KCNN2: variants seen among roughly 807,000 people sequenced by gnomAD.
KCNN2 encodes small conductance calcium-activated potassium channel protein 2.
KCNN2 carries 24 observed loss-of-function variants against 55.5 expected under a neutral mutation model. The observed-to-expected ratio is 0.43, with a 90% CI of 0.31 to 0.61. KCNN2 has a LOEUF of 0.61. Ranked by LOEUF, KCNN2 falls within the 20% of genes least tolerant of loss-of-function variation. KCNN2 has a pLI of 0.08. For missense variants in KCNN2, 754 were observed against 853.6 expected (o/e 0.88, Z 1.45); for synonymous variants, 431 against 336.1 (o/e 1.28, Z -3.09).
At position 114,160,454 on chromosome 5, in the gene KCNN2, C is replaced by G. The variant is rs1399931279; in HGVS notation, c.-270-61026C>G. On this transcript the variant is annotated intron_variant, in intron 1 of 10. Coordinates refer to the KCNN2 transcript ENST00000512097. ...TGGTCAATTTTGGAATAGGTGTGGT[C>G]TGGTGCTGAAAAGAATGTATATTCT... Among the ~76,000 whole-genome samples the G allele has an allele frequency of 8.5e-5, 13 of 152,064 alleles. No individual in the cohort carries two copies. The South Asian group carries it at 1.2e-3, about 15-fold the overall frequency.
chr5:114,138,852 A>G (rs1356402826), intron 1 of KCNN2, among the ~76,000 whole-genome samples: 1 of 152,084 alleles, frequency 6.6e-6, no homozygotes, highest in Non-Finnish European at 1.5e-5. Context: ...GAAGCTACCA[A>G]TTTTCAGTTT....
At chr5:114,288,499 TACACAC>T (rs1203371494) in intron 2 of KCNN2, among the ~76,000 whole-genome samples, 8 of 139,548 alleles carry the variant, frequency 5.7e-5, no homozygotes, top group African/African-American at 1.6e-4. Context: ...TATATATATA[TACACAC>T]ACACACACAC....
chr5:114,144,324 C>G (rs1752351654), intron 1 of KCNN2, among the ~76,000 whole-genome samples: 2 of 152,116 alleles, frequency 1.3e-5, no homozygotes, highest in African/African-American at 4.8e-5. Context: ...AATTTTTGAT[C>G]AATACCTGAC....
chr5:114,220,374 A>G (rs1754107982), intron 1 of KCNN2, among the ~76,000 whole-genome samples: 1 of 152,278 alleles, frequency 6.6e-6, no homozygotes, highest in Admixed American at 6.5e-5. Flanking sequence ...AGTGGGCAGG[A>G]GAGAGGAAAA....
intron 1 of KCNN2, among the ~76,000 whole-genome samples, chr5:114,071,125 G>A (rs1328790061): frequency 6.6e-6 from 1 of 152,140 alleles, no homozygotes; most frequent in African/African-American, 2.4e-5. Flanking sequence ...ATCTACTCTG[G>A]CTAATTAAAG....
At chr5:114,346,690 G>A (rs1437677907) in intron 2 of KCNN2, among the ~76,000 whole-genome samples, 1 of 148,184 alleles carries the variant, frequency 6.7e-6, no homozygotes, top group Non-Finnish European at 1.5e-5. Context: ...TCTGATAGCT[G>A]AAAGGGCCTG....
chr5:114,156,640 G>A (rs1464916437), intron 1 of KCNN2, among the ~76,000 whole-genome samples: 1 of 151,980 alleles, frequency 6.6e-6, no homozygotes, highest in Non-Finnish European at 1.5e-5. Flanking sequence ...TTCTTTTTGT[G>A]GCAGTCATGG....
At chr5:114,087,613 G>A (rs1751044421) in intron 1 of KCNN2, among the ~76,000 whole-genome samples, 1 of 151,832 alleles carries the variant, frequency 6.6e-6, no homozygotes, top group Non-Finnish European at 1.5e-5. Context: ...TCTTATTTAT[G>A]TAATCTTTGA....
At chr5:114,278,512 C>G (rs1393556087) in intron 2 of KCNN2, among the ~76,000 whole-genome samples, 1 of 152,246 alleles carries the variant, frequency 6.6e-6, no homozygotes, top group African/African-American at 2.4e-5. Flanking sequence ...CCGCCCAGTT[C>G]AAGCTTCCCT....
At chr5:114,148,574 A>G (rs1752451972) in intron 1 of KCNN2, among the ~76,000 whole-genome samples, 1 of 152,108 alleles carries the variant, frequency 6.6e-6, no homozygotes, top group South Asian at 2.1e-4. Flanking sequence ...AGCCTCTGAA[A>G]GAAGGGGTCC....
At chr5:114,125,499 C>T (rs1751911575) in intron 1 of KCNN2, among the ~76,000 whole-genome samples, 1 of 152,152 alleles carries the variant, frequency 6.6e-6, no homozygotes, top group Non-Finnish European at 1.5e-5. Context: ...AAGCTCTCCA[C>T]TTTTATCACC....
chr5:114,463,341 G>C, intron 4 of KCNN2, 151 bp downstream of exon 4: 3 of 596,826 alleles, frequency 5.0e-6, no homozygotes, highest in Non-Finnish European at 8.4e-6. Context: ...GAGAGAGAAT[G>C]TCAACAGTTT....
intron 1 of KCNN2, among the ~76,000 whole-genome samples, chr5:114,093,785 A>C (rs896963127): frequency 6.6e-6 from 1 of 152,156 alleles, no homozygotes; most frequent in African/African-American, 2.4e-5. Context: ...AACCACCCCC[A>C]TGATCCAATT....
Position 114,241,803 on chromosome 5 carries a change from TAC to T in KCNN2, c.-185+20239_-185+20240del, listed in dbSNP as rs1249953850. Among the ~76,000 whole-genome samples the T allele has an allele frequency of 4.4e-3, 154 of 35,176 alleles. 29 individuals are homozygous for T. The highest frequency in any genetic ancestry group is 0.011 in the African/African-American group (111 of 10,238). 23.1% of individuals were successfully genotyped at this position (35,176 alleles called of 152,430 possible). A position where few individuals can be genotyped will look rare whatever the true frequency, so the allele number is the denominator to read the frequency against. On this transcript the variant is annotated intron_variant, in intron 2 of 10. Transcript: ENST00000512097. The stretch of plus-strand genomic sequence containing the variant: ...ATATACGTATATATATGTATATATA[TAC>T]GTATATATATATATGTGTGTATATA...
chr5:114,158,737 T>A (rs533473198), intron 1 of KCNN2, among the ~76,000 whole-genome samples: 18 of 151,652 alleles, frequency 1.2e-4, no homozygotes, highest in Non-Finnish European at 2.5e-4. Flanking sequence ...TAAGTTGGAT[T>A]CCTAGGTATT....
Position 114,250,016 on chromosome 5 carries a change from G to A in KCNN2, c.-185+28451G>A, listed in dbSNP as rs531137773. Among the ~76,000 whole-genome samples the A allele has an allele frequency of 3.4e-4, 51 of 152,168 alleles. 3 individuals are homozygous for A. The South Asian group carries it at 0.01, about 30-fold the overall frequency. On this transcript the variant is annotated intron_variant, in intron 2 of 10. Transcript: ENST00000512097. ...CACATATGCTTGCCTAGATTGTCTG[G>A]TTCCTTATGGTTTCCATTGTGCTAT...
intron 1 of KCNN2, among the ~76,000 whole-genome samples, chr5:114,068,681 C>T (rs1025317779): frequency 6.6e-6 from 1 of 152,210 alleles, no homozygotes; most frequent in African/African-American, 2.4e-5. Flanking sequence ...AAATAATTCA[C>T]AGTGTAGTGA....
chr5:114,377,906 T>G (rs1288915881), intron 2 of KCNN2, among the ~76,000 whole-genome samples: 2 of 152,194 alleles, frequency 1.3e-5, no homozygotes, highest in African/African-American at 4.8e-5. Flanking sequence ...CTATTATTAT[T>G]ATTCTGTCAT....
intron 1 of KCNN2, among the ~76,000 whole-genome samples, chr5:114,159,004 C>T (rs1016065694): frequency 1.1e-4 from 16 of 152,086 alleles, no homozygotes; most frequent in African/African-American, 3.6e-4. Flanking sequence ...TTTCTTTCTC[C>T]TGCCTGATTG....
Sources: gnomAD v4.1 joint callset for allele counts (sites outside exome capture counted in the v4.1 genomes callset) on GRCh38, gnomAD v4.1.1 for gene constraint, MANE v1.5 for transcripts, NCBI Gene and HGNC (gene_info 2026-07-23, HGNC 2026-07-21) for gene names.